Variants in F10 observed in about 807,000 individuals in gnomAD.
F10 encodes coagulation factor X, also known as Stuart-Prower factor.
A neutral mutation model predicts 37.1 loss-of-function variants in F10; 29 were observed. The ratio of observed to expected loss-of-function variants is 0.78; its 90% confidence interval spans 0.58 to 1.07. The LOEUF (loss-of-function observed/expected upper bound fraction) is 1.07. Among genes scored for constraint, F10 ranks in the 50% least tolerant of loss-of-function variants. The pLI is 0.00. For missense variants in F10, 539 were observed against 667.9 expected, an observed-to-expected ratio of 0.81 and a Z score of 2.13; for synonymous variants, 262 against 268.6, an observed-to-expected ratio of 0.98 and a Z score of 0.24.
Position 113,146,815 on chromosome 13 carries a change from G to C in F10, c.748-564G>C, listed in dbSNP as rs939570530. Among the ~76,000 whole-genome samples the C allele has an allele frequency of 6.6e-6, 1 of 152,154 alleles. No individual in the cohort carries two copies. Among genetic ancestry groups the C allele is most frequent in the East Asian group, 1.9e-4 (1 of 5,194 alleles). ...AAACTTGCAAGTCCAGCTCCCTAGGGACAGCATGTGGCACCCCTGTCAGTG... is the reference window on the plus strand; with the variant it reads ...AAACTTGCAAGTCCAGCTCCCTAGGCACAGCATGTGGCACCCCTGTCAGTG... On this transcript the variant is annotated intron_variant, in intron 6 of 7. Transcript: ENST00000375559. This position sits in a 1 kb window ranked among gnomAD's most constrained non-coding sequence, Gnocchi z 4.5.
At position 113,141,008 on chromosome 13, in the gene F10, G is replaced by A. The variant is rs149285827; in HGVS notation, c.460G>A (p.Gly154Arg). The A allele has an allele frequency of 2.1e-4, 342 of 1,613,932 alleles. No homozygotes were observed. Among genetic ancestry groups the A allele is most frequent in the Admixed American group, 4.8e-4 (29 of 60,008 alleles). ...QNSVVCSCAR[G>R]YTLADNGKAC... ...CTCTGTGGTGTGCTCCTGCGCCCGC[G>A]GGTACACCCTGGCTGACAACGGCAA... Residue 154 changes from glycine to arginine, a missense_variant, in exon 5 of 8, where the codon GGG becomes AGG. Physicochemically the swap from Gly to Arg is moderately radical, Grantham distance 125 (BLOSUM62 -2). Around this residue, in one of 2 missense-constraint regions of F10, gnomAD observed 409 missense variants for 547.9 expected, o/e 0.75. Transcript: ENST00000375559. The surrounding 1 kb of genome is among the most constrained non-coding windows in gnomAD (Gnocchi z 5.4).
Position 113,122,912 on chromosome 13 carries a change from G to A in F10, c.57G>A (p.Leu19=), listed in dbSNP as rs370154986. The A allele has an allele frequency of 3.1e-4, 506 of 1,610,154 alleles. No individual in the cohort carries two copies. Among genetic ancestry groups the A allele is most frequent in the Middle Eastern group, 5.0e-4 (3 of 6,056 alleles). ...GTGCCTCCCTGGCTGGCCTCCTGCT[G>A]CTCGGGGAAAGTCGTAAGTGCCCCT... ...LLSASLAGLL[L]LGESLFIRRE... is the part of the protein sequence containing the mutation. Residue 19 remains leucine (L), a synonymous_variant, in exon 1 of 8, where the codon CTG becomes CTA. Transcript: ENST00000375559.
chr13:113,141,195 G>A lies in F10; in HGVS notation c.502+145G>A. ...CACCAAGAGGACAGGACTGAGCCCT[G>A]GGCTCCGGGCCCAGGTGGTTCAAAC... On this transcript the variant is annotated intron_variant, in intron 5 of 7. Coordinates refer to ENST00000375559, the MANE Select transcript of F10 (RefSeq NM_000504.4). This position sits in a 1 kb window ranked among gnomAD's most constrained non-coding sequence, Gnocchi z 5.4. 1 of 1,167,874 alleles carries A rather than the reference G, an allele frequency of 8.6e-7. No homozygotes were observed. Among genetic ancestry groups the A allele is most frequent in the Non-Finnish European group, 1.2e-6 (1 of 822,648 alleles). 72.3% of individuals were successfully genotyped at this position (1,167,874 alleles called of 1,614,324 possible). A position where few individuals can be genotyped will look rare whatever the true frequency, so the allele number is the denominator to read the frequency against.
At chr13:113,147,085 C>G (rs1354193316) in intron 6 of F10, among the ~76,000 whole-genome samples, 1 of 152,174 alleles carries the variant, frequency 6.6e-6, no homozygotes, top group Non-Finnish European at 1.5e-5. Context: ...AAAGGCTGCT[C>G]CCACAGGGAG....
Position 113,141,084 on chromosome 13 carries a change from C to T in F10, c.502+34C>T. The stretch of plus-strand genomic sequence containing the variant: ...CACGTTGGGCCACAGCCACCCGCTG[C>T]CGCTGGGCCGGGCCAGGGAGGACAA... On this transcript the variant is annotated intron_variant, in intron 5 of 7. Coordinates refer to ENST00000375559, the MANE Select transcript of F10 (RefSeq NM_000504.4). This position sits in a 1 kb window ranked among gnomAD's most constrained non-coding sequence, Gnocchi z 5.4. 6.2e-7 allele frequency: 1 copy of T among 1,611,382 alleles called. No homozygotes were observed. The highest frequency in any genetic ancestry group is 8.5e-7 in the Non-Finnish European group (1 of 1,179,724).
intron 7 of F10, among the ~76,000 whole-genome samples, chr13:113,148,255 C>T (rs997658120): frequency 8.7e-5 from 13 of 149,522 alleles, no homozygotes; most frequent in Admixed American, 2.0e-4. Context: ...CACTTGAACC[C>T]GGGAGGTGGA....
chr13:113,133,233 A>G (rs2138533103), intron 2 of F10, among the ~76,000 whole-genome samples: 1 of 152,230 alleles, frequency 6.6e-6, no homozygotes, highest in African/African-American at 2.4e-5. Flanking sequence ...AAAAGCAGAA[A>G]TCAAAGAAAT....
In F10 at chr13:113,139,125, C is replaced by T. The variant is rs927425578; in HGVS notation, c.257-232C>T. 1.9e-4 allele frequency among the ~76,000 whole-genome samples: 29 copies of T among 152,094 alleles called. No homozygotes were observed. Among genetic ancestry groups the T allele is most frequent in the African/African-American group, 6.0e-4 (25 of 41,404 alleles). ...TGACTGTAAACACACTGCAAAACACCGGCAAAAATCAAAAAGCTGGGCCGG... is the reference window on the plus strand; with the variant it reads ...TGACTGTAAACACACTGCAAAACACTGGCAAAAATCAAAAAGCTGGGCCGG... On this transcript the variant is annotated intron_variant, in intron 3 of 7. Transcript: ENST00000375559. The surrounding 1 kb of genome is among the most constrained non-coding windows in gnomAD (Gnocchi z 5.2).
rs2036525647 is a variant in F10 at position 113,141,290 on chromosome 13, T to G, written c.502+240T>G. ...CCAGATCTGCTGTTTAACCTCAGCT[T>G]CCCCATCTGACAAATGGGACCAACA... On this transcript the variant is annotated intron_variant, in intron 5 of 7. Coordinates refer to ENST00000375559, the MANE Select transcript of F10 (RefSeq NM_000504.4). The surrounding 1 kb of genome is among the most constrained non-coding windows in gnomAD (Gnocchi z 5.4). Among the ~76,000 whole-genome samples, 1 of 152,192 alleles carries G rather than the reference T, an allele frequency of 6.6e-6. No individual in the cohort carries two copies. Among genetic ancestry groups the G allele is most frequent in the Non-Finnish European group, 1.5e-5 (1 of 68,028 alleles).
chr13:113,147,326 G>C, intron 6 of F10, 53 bp from the exon 7 acceptor site: 1 of 1,270,606 alleles, frequency 7.9e-7, no homozygotes, highest in Admixed American at 1.7e-5. Context: ...TTCTCAGTCA[G>C]GCAACACCTG....
chr13:113,148,579 A>G (rs929914115), intron 7 of F10, among the ~76,000 whole-genome samples: 1 of 151,970 alleles, frequency 6.6e-6, no homozygotes, highest in Non-Finnish European at 1.5e-5. Flanking sequence ...CAGCGGCCAC[A>G]CCGCACAACC....
In F10 at chr13:113,149,346, C is replaced by G. The variant is rs139031355; in HGVS notation, c.1296C>G (p.Phe432Leu). 3.1e-6 allele frequency: 5 copies of G among 1,613,260 alleles called. No homozygotes were observed. Among genetic ancestry groups the G allele is most frequent in the Non-Finnish European group, 4.2e-6 (5 of 1,180,016 alleles). The part of the protein sequence containing the change: ...PHVTRFKDTY[F>L]VTGIVSWGEG... Reference sequence around the variant, plus strand: ...TCACCCGCTTCAAGGACACCTACTTCGTGACAGGCATCGTCAGCTGGGGAG... The same window carrying G: ...TCACCCGCTTCAAGGACACCTACTTGGTGACAGGCATCGTCAGCTGGGGAG... The change falls in exon 8 of 8, where the codon TTC (phenylalanine) becomes TTG (leucine). Residue 432 changes from phenylalanine to leucine, a missense_variant. Physicochemically the swap from Phe to Leu is conservative, Grantham distance 22 (BLOSUM62 0). Around this residue, in one of 2 missense-constraint regions of F10, gnomAD observed 409 missense variants for 547.9 expected, o/e 0.75. Transcript: ENST00000375559. This position sits in a 1 kb window ranked among gnomAD's most constrained non-coding sequence, Gnocchi z 7.5.
intron 6 of F10, among the ~76,000 whole-genome samples, chr13:113,145,360 C>T (rs895007115): frequency 4.7e-5 from 7 of 150,170 alleles, no homozygotes; most frequent in Non-Finnish European, 7.4e-5. Flanking sequence ...CTAATGCTGC[C>T]AGATTAAACA....
At chr13:113,136,520 C>A (rs555854329) in intron 2 of F10, among the ~76,000 whole-genome samples, 18 of 151,144 alleles carry the variant, frequency 1.2e-4, no homozygotes, top group African/African-American at 4.4e-4. Flanking sequence ...TGCAATGGCA[C>A]AATCTCGGCT....
intron 5 of F10, among the ~76,000 whole-genome samples, chr13:113,142,694 G>C (rs6577028): frequency 0.018 from 2,607 of 148,320 alleles, 124 homozygotes; most frequent in African/African-American, 0.059. Context: ...GGGAAGCCAA[G>C]GTGGGTGGAT....
chr13:113,147,430 A>G lies in F10; in HGVS notation c.799A>G (p.Ser267Gly). ...NEGFCGGTILSEFYILTAAHC... is the reference protein window; with the variant it reads ...NEGFCGGTILGEFYILTAAHC... ...GGGTTTCTGTGGTGGAACCATTCTG[A>G]GCGAGTTCTACATCCTAACGGCAGC... The change falls in exon 7 of 8, where the codon AGC (serine) becomes GGC (glycine). Residue 267 changes from serine to glycine, a missense_variant. Transcript: ENST00000375559. 1.9e-6 allele frequency: 3 copies of G among 1,613,986 alleles called. No homozygotes were observed. The highest frequency in any genetic ancestry group is 2.5e-6 in the Non-Finnish European group (3 of 1,179,856).
chr13:113,136,247 G>A (rs1409499340), intron 2 of F10, among the ~76,000 whole-genome samples: 3 of 152,074 alleles, frequency 2.0e-5, no homozygotes, highest in African/African-American at 4.8e-5. Flanking sequence ...GTTAAGACAC[G>A]GAGAAAGCAG....
Position 113,143,711 on chromosome 13 carries a change from G to T in F10, c.503-140G>T. On this transcript the variant is annotated intron_variant, in intron 5 of 7. Transcript: ENST00000375559. This position sits in a 1 kb window ranked among gnomAD's most constrained non-coding sequence, Gnocchi z 6.8. ...ACCCCTGCCGACGACGTGGGGCCTCGCCCTGCAAGCCCGCTGCCCCTCCGG... is the reference window on the plus strand; with the variant it reads ...ACCCCTGCCGACGACGTGGGGCCTCTCCCTGCAAGCCCGCTGCCCCTCCGG... The T allele has an allele frequency of 8.1e-7, 1 of 1,234,054 alleles. No homozygotes were observed. Among genetic ancestry groups the T allele is most frequent in the Non-Finnish European group, 1.1e-6 (1 of 914,892 alleles). The allele number at this position is 1,234,054 out of a possible 1,614,324, so 76.4% of individuals were successfully genotyped here. A position where few individuals can be genotyped will look rare whatever the true frequency, so the allele number is the denominator to read the frequency against.
chr13:113,135,312 T>G (rs548481424), intron 2 of F10, among the ~76,000 whole-genome samples: 1 of 152,276 alleles, frequency 6.6e-6, no homozygotes, highest in African/African-American at 2.4e-5. Context: ...CTCAGTCTGT[T>G]TGTGCTTCTA....
Sources: allele counts gnomAD v4.1 joint callset (sites outside exome capture counted in the v4.1 genomes callset), GRCh38; gene constraint gnomAD v4.1.1; regional missense constraint gnomAD v4.1.1; non-coding constraint Gnocchi (gnomAD v3.1); transcripts MANE v1.5; gene names NCBI Gene and HGNC (gene_info 2026-07-23, HGNC 2026-07-21).